CDH8: variants seen among roughly 807,000 people sequenced by gnomAD.
CDH8 encodes cadherin 8.
Under a neutral mutation model 68.1 loss-of-function variants are expected in CDH8, and 17 were observed. The ratio of observed to expected loss-of-function variants is 0.25; its 90% CI spans 0.17 to 0.37. CDH8 has a LOEUF of 0.37. CDH8 is among the 10% of genes least tolerant of loss of function. The pLI is 1.00. For synonymous variants in CDH8, 372 were observed against 365.1 expected, an observed-to-expected ratio of 1.02 and a Z score of -0.21; for missense variants, 763 against 999.3, an observed-to-expected ratio of 0.76 and a Z score of 3.19.
At chr16:61,755,506 A>C in intron 8 of CDH8, among the ~76,000 whole-genome samples, 1 of 152,274 alleles carries the variant, frequency 6.6e-6, no homozygotes. Flanking sequence ...ATTTCAAAAT[A>C]GTAGAAATAA....
At chr16:61,803,504 T>A (rs1377275486) in intron 7 of CDH8, among the ~76,000 whole-genome samples, 2 of 151,766 alleles carry the variant, frequency 1.3e-5, no homozygotes, top group East Asian at 3.9e-4. Context: ...ATTCTCCATT[T>A]AAAAGACACA....
At chr16:61,833,758 T>C (rs2143005320) in intron 4 of CDH8, among the ~76,000 whole-genome samples, 1 of 152,050 alleles carries the variant, frequency 6.6e-6, no homozygotes, top group South Asian at 2.1e-4. Context: ...TAGAACACAC[T>C]TACTCTTTAC....
chr16:61,665,801 T>C (rs1292914870), intron 10 of CDH8, among the ~76,000 whole-genome samples: 5,480 of 134,716 alleles, frequency 0.041, 136 homozygotes, highest in Non-Finnish European at 0.05. Flanking sequence ...CCTTCCTTCC[T>C]TCCTTTCCCT....
intron 3 of CDH8, among the ~76,000 whole-genome samples, chr16:61,873,840 G>A (rs979914585): frequency 6.6e-6 from 1 of 152,152 alleles, no homozygotes; most frequent in South Asian, 2.1e-4. Context: ...TGGATCACCT[G>A]TGGTCAGGAG....
At chr16:61,689,654 C>T (rs916230142) in intron 10 of CDH8, among the ~76,000 whole-genome samples, 6 of 152,076 alleles carry the variant, frequency 3.9e-5, no homozygotes, top group African/African-American at 1.4e-4. Context: ...GTGAAACCAT[C>T]GTTTTGTAAG....
At chr16:61,740,013 T>G (rs1273342917) in intron 8 of CDH8, among the ~76,000 whole-genome samples, 1 of 150,800 alleles carries the variant, frequency 6.6e-6, no homozygotes, top group Non-Finnish European at 1.5e-5. Context: ...GTTCAAGTGA[T>G]TCTCCCGCCT....
intron 2 of CDH8, among the ~76,000 whole-genome samples, chr16:61,994,288 A>T (rs908003696): frequency 3.9e-5 from 6 of 152,158 alleles, no homozygotes; most frequent in Non-Finnish European, 1.5e-5. Context: ...TAAAAAGCTT[A>T]CTTTGATGGC....
intron 1 of CDH8, among the ~76,000 whole-genome samples, chr16:62,035,502 T>C (rs1902434329): frequency 1.3e-5 from 2 of 152,126 alleles, no homozygotes; most frequent in Non-Finnish European, 2.9e-5. Context: ...AGCTGCCACT[T>C]GTGGGAAAGC....
chr16:61,719,045 A>G (rs1305423124), intron 9 of CDH8, among the ~76,000 whole-genome samples: 1 of 151,142 alleles, frequency 6.6e-6, no homozygotes, highest in Non-Finnish European at 1.5e-5. Context: ...TATTGTCTGG[A>G]TATTTTTGAT....
chr16:61,820,303 C>CT (rs1962179991), intron 6 of CDH8, among the ~76,000 whole-genome samples: 1 of 131,464 alleles, frequency 7.6e-6, no homozygotes, highest in African/African-American at 2.9e-5. Context: ...CCTGAATGTT[C>CT]TGCCTGTTTG....
At chr16:61,842,149 C>T (rs1027929077) in intron 4 of CDH8, among the ~76,000 whole-genome samples, 8 of 151,378 alleles carry the variant, frequency 5.3e-5, no homozygotes, top group African/African-American at 9.7e-5. Context: ...CCTCGTGATC[C>T]GCCCGCCTGG....
intron 7 of CDH8, among the ~76,000 whole-genome samples, chr16:61,801,473 C>T (rs572662139): frequency 3.3e-5 from 5 of 152,234 alleles, no homozygotes; most frequent in East Asian, 3.9e-4. Context: ...CCAAGATGGC[C>T]GAATAGGAAC....
chr16:61,877,440 C>T (rs1166073551), intron 3 of CDH8, among the ~76,000 whole-genome samples: 1 of 152,110 alleles, frequency 6.6e-6, no homozygotes, highest in Non-Finnish European at 1.5e-5. Flanking sequence ...TTAATGATCT[C>T]TCATGTTCCT....
chr16:61,699,859 A>C (rs954364892), intron 10 of CDH8, among the ~76,000 whole-genome samples: 11 of 152,204 alleles, frequency 7.2e-5, no homozygotes, highest in Admixed American at 5.9e-4. Flanking sequence ...TACAGGCATG[A>C]GCCACCGTGC....
chr16:61,699,372 A>C (rs1355089119), intron 10 of CDH8, among the ~76,000 whole-genome samples: 1 of 152,192 alleles, frequency 6.6e-6, no homozygotes, highest in Non-Finnish European at 1.5e-5. Context: ...TTAAGAAGAA[A>C]ATGAACAAGC....
At chr16:62,031,687 C>T (rs1597137634) in intron 1 of CDH8, among the ~76,000 whole-genome samples, 1 of 151,934 alleles carries the variant, frequency 6.6e-6, no homozygotes, top group East Asian at 1.9e-4. Flanking sequence ...AACACACACA[C>T]ACACACACAC....
At chr16:61,739,727 CAA>C (rs1240563096) in intron 8 of CDH8, among the ~76,000 whole-genome samples, 2 of 93,120 alleles carry the variant, frequency 2.1e-5, no homozygotes. Context: ...GACTCTGCCT[CAA>C]AAAAAAAAAG....
At chr16:61,928,403 TGTCAGCTCTAAGACATGA>T (rs1323172579) in intron 2 of CDH8, among the ~76,000 whole-genome samples, 1 of 152,202 alleles carries the variant, frequency 6.6e-6, no homozygotes, top group Non-Finnish European at 1.5e-5. Context: ...GAAGAAACCT[TGTCAGCTCTAAGACATGA>T]GATAAGAAAG....
At chr16:61,924,834 C>T (rs2143430397) in intron 2 of CDH8, among the ~76,000 whole-genome samples, 1 of 152,142 alleles carries the variant, frequency 6.6e-6, no homozygotes, top group African/African-American at 2.4e-5. Context: ...AAATAAAGAG[C>T]TGTTAATTGT....
Sources: allele counts gnomAD v4.1 joint callset (sites outside exome capture counted in the v4.1 genomes callset), GRCh38; gene constraint gnomAD v4.1.1; transcripts MANE v1.5; gene names NCBI Gene and HGNC (gene_info 2026-07-23, HGNC 2026-07-21).